The following PRKCQ variants were observed in gnomAD, a reference collection of about 807,000 sequenced individuals.
PRKCQ encodes protein kinase C theta type.
A neutral mutation model predicts 91.2 loss-of-function variants in PRKCQ; 41 were observed. That is an observed-to-expected ratio of 0.45 (90% confidence interval 0.35 to 0.58). The LOEUF (loss-of-function observed/expected upper bound fraction) is 0.58. Ranked by LOEUF, PRKCQ falls within the 20% of genes least tolerant of loss-of-function variation. The probability of loss-of-function intolerance (pLI) is 0.00; values close to 1 mark genes in which losing one functional copy is unlikely to be tolerated. For synonymous variants in PRKCQ, 307 were observed against 316.9 expected, an observed-to-expected ratio of 0.97 and a Z score of 0.33; for missense variants, 673 against 896.5, an observed-to-expected ratio of 0.75 and a Z score of 3.18.
chr10:6,526,220 C>G (rs1200919578), intron 1 of PRKCQ, among the ~76,000 whole-genome samples: 1 of 152,008 alleles, frequency 6.6e-6, no homozygotes, highest in Non-Finnish European at 1.5e-5. Context: ...TATTTATGAC[C>G]TAATGTTCTA....
At chr10:6,444,875 GC>G (rs1204057984) in intron 15 of PRKCQ, among the ~76,000 whole-genome samples, 3 of 152,128 alleles carry the variant, frequency 2.0e-5, no homozygotes, top group Non-Finnish European at 4.4e-5. Context: ...CATTCTCCCA[GC>G]CCTTTGGGAG....
chr10:6,468,444 T>C (rs1469669419), intron 12 of PRKCQ, among the ~76,000 whole-genome samples: 1 of 152,228 alleles, frequency 6.6e-6, no homozygotes, highest in Non-Finnish European at 1.5e-5. Flanking sequence ...AATGTGCATA[T>C]ATTATAGGAT....
In PRKCQ at chr10:6,511,109, T is replaced by A. The variant is rs17555072; in HGVS notation, c.204A>T (p.Arg68Ser). 1.2e-6 allele frequency: 2 copies of A among 1,614,156 alleles called. No individual in the cohort carries two copies. The highest frequency in any genetic ancestry group is 3.3e-5 in the Admixed American group (2 of 60,026). ...TGCCTTTCACAATGATCTGCATGAC[T>A]CTTCCCTTGTTGATATGGGCATCAA... ...STFDAHINKG[R>S]VMQIIVKGKN... Residue 68 changes from arginine to serine, a missense_variant, in exon 3 of 18, where the codon AGA becomes AGT. Coordinates refer to ENST00000263125, the MANE Select transcript of PRKCQ (RefSeq NM_006257.5).
chr10:6,450,697 G>A (rs1276079711), intron 15 of PRKCQ, among the ~76,000 whole-genome samples: 1 of 152,154 alleles, frequency 6.6e-6, no homozygotes, highest in African/African-American at 2.4e-5. Flanking sequence ...CTCAGCAAAT[G>A]TAAAAGAACA....
Position 6,491,668 on chromosome 10 carries a change from C to T in PRKCQ, c.790+15G>A. 1 of 1,613,666 alleles carries T rather than the reference C, an allele frequency of 6.2e-7. No homozygotes were observed. The highest frequency in any genetic ancestry group is 8.5e-7 in the Non-Finnish European group (1 of 1,179,746). On this transcript the variant is annotated intron_variant, in intron 8 of 17. Coordinates refer to ENST00000263125, the MANE Select transcript of PRKCQ (RefSeq NM_006257.5). Reference sequence around the variant, plus strand: ...GGGTCCACGTCGGGCCATGCTCATCCCCCACTGGACTCACCATCACACTTG... The same window carrying T: ...GGGTCCACGTCGGGCCATGCTCATCTCCCACTGGACTCACCATCACACTTG...
At chr10:6,574,842 C>T (rs1841169885) in intron 1 of PRKCQ, among the ~76,000 whole-genome samples, 1 of 152,198 alleles carries the variant, frequency 6.6e-6, no homozygotes. Context: ...CTGTTCCTAC[C>T]TCCCAGAACC....
At chr10:6,466,116 G>C (rs941876948) in intron 12 of PRKCQ, among the ~76,000 whole-genome samples, 3 of 152,278 alleles carry the variant, frequency 2.0e-5, no homozygotes, top group African/African-American at 7.2e-5. Context: ...CAAAGCGTAT[G>C]AAAGTGTAGA....
chr10:6,482,390 G>A (rs1836652868), intron 11 of PRKCQ, among the ~76,000 whole-genome samples: 1 of 152,166 alleles, frequency 6.6e-6, no homozygotes. Context: ...GGGTTCGGGA[G>A]GTCAAGACCA....
chr10:6,502,549 C>A (rs922919527), intron 4 of PRKCQ, among the ~76,000 whole-genome samples: 1 of 152,160 alleles, frequency 6.6e-6, no homozygotes, highest in African/African-American at 2.4e-5. Context: ...CACTTTCCTG[C>A]AGACAATTTG....
intron 5 of PRKCQ, among the ~76,000 whole-genome samples, chr10:6,498,066 G>A (rs1043993091): frequency 2.0e-5 from 3 of 152,176 alleles, no homozygotes; most frequent in African/African-American, 7.2e-5. Flanking sequence ...CATTAGGTGG[G>A]GGAAGTTTTG....
chr10:6,413,070 A>G, the PRKCQ span, among the ~76,000 whole-genome samples: 44 of 152,084 alleles, frequency 2.9e-4, 2 homozygotes, highest in Admixed American at 2.1e-3. Context: ...CTCCTGCCTC[A>G]GCCTCCTGAA....
chr10:6,496,613 T>G (rs1837618677), intron 7 of PRKCQ, among the ~76,000 whole-genome samples: 1 of 152,162 alleles, frequency 6.6e-6, no homozygotes, highest in South Asian at 2.1e-4. Flanking sequence ...AGTAGAGCAA[T>G]GAAAATTCTT....
At chr10:6,492,774 T>C (rs1026438990) in intron 7 of PRKCQ, among the ~76,000 whole-genome samples, 12 of 152,362 alleles carry the variant, frequency 7.9e-5, no homozygotes, top group African/African-American at 2.9e-4. Flanking sequence ...GTGAATATTC[T>C]TGTGCAGGAT....
chr10:6,419,247 G>A, the PRKCQ span, among the ~76,000 whole-genome samples: 2 of 151,882 alleles, frequency 1.3e-5, no homozygotes, highest in Admixed American at 6.6e-5. Context: ...TTATGTGTGT[G>A]TACATATGTG....
In PRKCQ at chr10:6,479,893, G is replaced by C. The variant is rs140471264; in HGVS notation, c.1180-728C>G. Among the ~76,000 whole-genome samples the C allele has an allele frequency of 9.2e-3, 1,394 of 151,952 alleles. 24 individuals are homozygous for C. Among genetic ancestry groups the C allele is most frequent in the African/African-American group, 0.032 (1,322 of 41,428 alleles). On this transcript the variant is annotated intron_variant, in intron 11 of 17. Coordinates refer to ENST00000263125, the MANE Select transcript of PRKCQ (RefSeq NM_006257.5). Reference sequence around the variant, plus strand: ...CTTGAACCTGGGAGGCGGAGGTTGTGGTGAACTGAGATCATGCCACTGCAC... The same window carrying C: ...CTTGAACCTGGGAGGCGGAGGTTGTCGTGAACTGAGATCATGCCACTGCAC...
chr10:6,430,963 C>G lies in PRKCQ; in HGVS notation c.1837-25G>C, dbSNP rs760109869. On this transcript the variant is annotated intron_variant, in intron 16 of 17. Transcript: ENST00000263125. This position sits in a 1 kb window ranked among gnomAD's most constrained non-coding sequence, Gnocchi z 4.7. ...GCTGAAAGGGAGCAGAGCAGGAGCCCTGAGGTCTCCAGGGATGACCCTTTT... is the reference window on the plus strand; with the variant it reads ...GCTGAAAGGGAGCAGAGCAGGAGCCGTGAGGTCTCCAGGGATGACCCTTTT... 2 of 1,611,716 alleles carry G rather than the reference C, an allele frequency of 1.2e-6. No homozygotes were observed. The highest frequency in any genetic ancestry group is 2.2e-5 in the South Asian group (2 of 90,832).
chr10:6,514,042 T>G (rs1290950942), intron 2 of PRKCQ, among the ~76,000 whole-genome samples: 1 of 152,174 alleles, frequency 6.6e-6, no homozygotes. Flanking sequence ...TCTTCCTGAG[T>G]TCCTTCAGCT....
Position 6,462,162 on chromosome 10 carries a change from C to T in PRKCQ, c.1508+141G>A, listed in dbSNP as rs1835382026. 3 of 723,102 alleles carry T rather than the reference C, an allele frequency of 4.1e-6. No individual in the cohort carries two copies. In the Admixed American group the frequency reaches 7.0e-5, roughly 17 times the overall value. 44.8% of individuals were successfully genotyped at this position (723,102 alleles called of 1,614,324 possible). The stretch of plus-strand genomic sequence containing the variant: ...GGTTGTAAGTCATCATCCATGTAAT[C>T]ATTGTGGGCAGCAGACCTATGTGTG... On this transcript the variant is annotated intron_variant, in intron 14 of 17. Transcript: ENST00000263125.
intron 1 of PRKCQ, among the ~76,000 whole-genome samples, chr10:6,517,588 C>CT (rs56306878): frequency 0.081 from 4,021 of 49,400 alleles, 473 homozygotes; most frequent in Non-Finnish European, 0.088. Flanking sequence ...AAGATAGCAT[C>CT]TTTTTTTTTT....
Sources: allele counts gnomAD v4.1 joint callset (sites outside exome capture counted in the v4.1 genomes callset), GRCh38; gene constraint gnomAD v4.1.1; non-coding constraint Gnocchi (gnomAD v3.1); transcripts MANE v1.5; gene names NCBI Gene and HGNC (gene_info 2026-07-23, HGNC 2026-07-21).